The following FLI1 variants were observed in gnomAD, a reference collection of about 807,000 sequenced individuals.
The protein encoded by FLI1 is Fli-1 proto-oncogene, ETS transcription factor.
A neutral mutation model predicts 53.1 loss-of-function variants in FLI1; 13 were observed. The ratio of observed to expected loss-of-function variants is 0.24; its 90% CI spans 0.16 to 0.39. The LOEUF (loss-of-function observed/expected upper bound fraction) is 0.39. Among genes scored for constraint, FLI1 ranks in the 10% least tolerant of loss-of-function variants. FLI1 has a pLI of 1.00. For synonymous variants in FLI1, 244 were observed against 236.7 expected, an observed-to-expected ratio of 1.03 and a Z score of -0.28; for missense variants, 424 against 600.5, an observed-to-expected ratio of 0.71 and a Z score of 3.07.
chr11:128,706,125 C>A (rs1376343832), intron 1 of FLI1, among the ~76,000 whole-genome samples: 23 of 152,188 alleles, frequency 1.5e-4, no homozygotes, highest in Non-Finnish European at 1.5e-5. Flanking sequence ...CTTTTGTTAC[C>A]TGAGCTCAAC....
intron 5 of FLI1, among the ~76,000 whole-genome samples, chr11:128,789,652 G>A (rs921076427): frequency 2.6e-5 from 4 of 152,206 alleles, no homozygotes; most frequent in African/African-American, 9.7e-5. Context: ...ATGCGCTCCC[G>A]GGTGCAGTAC....
intron 1 of FLI1, among the ~76,000 whole-genome samples, chr11:128,721,321 G>A (rs1939241421): frequency 6.6e-6 from 1 of 152,186 alleles, no homozygotes; most frequent in South Asian, 2.1e-4. Context: ...AGAATATAGG[G>A]ATGGAAGAAT....
At chr11:128,737,393 C>T (rs1353400751) in intron 1 of FLI1, among the ~76,000 whole-genome samples, 2 of 152,170 alleles carry the variant, frequency 1.3e-5, no homozygotes, top group Non-Finnish European at 2.9e-5. Context: ...CCCATCACAG[C>T]CCCCACCACA....
intron 1 of FLI1, among the ~76,000 whole-genome samples, chr11:128,743,204 A>G (rs1012340230): frequency 6.6e-6 from 1 of 152,154 alleles, no homozygotes; most frequent in African/African-American, 2.4e-5. Flanking sequence ...CCTAGGCAAC[A>G]TAGTAAGACC....
intron 1 of FLI1, among the ~76,000 whole-genome samples, chr11:128,707,270 T>C (rs187556881): frequency 1.5e-4 from 23 of 152,316 alleles, no homozygotes; most frequent in Admixed American, 1.4e-3. Flanking sequence ...CCCGCCCTGA[T>C]AACACTGCCT....
intron 2 of FLI1, among the ~76,000 whole-genome samples, chr11:128,765,503 G>A (rs1941302275): frequency 6.6e-6 from 1 of 152,226 alleles, no homozygotes; most frequent in African/African-American, 2.4e-5. Context: ...AGCCCGGGGA[G>A]TGTGCCCTCC....
chr11:128,760,276 G>A (rs694129), intron 2 of FLI1, among the ~76,000 whole-genome samples: 21 of 152,084 alleles, frequency 1.4e-4, no homozygotes, highest in African/African-American at 5.1e-4. Context: ...ACAGTGCTTT[G>A]TCTAAGGATT....
chr11:128,712,090 G>A (rs1444848986), intron 1 of FLI1, among the ~76,000 whole-genome samples: 1 of 152,128 alleles, frequency 6.6e-6, no homozygotes, highest in Non-Finnish European at 1.5e-5. Context: ...GGGCCTGGTG[G>A]GAGGTGATTA....
intron 5 of FLI1, among the ~76,000 whole-genome samples, chr11:128,791,659 T>C (rs1217554869): frequency 3.3e-5 from 5 of 152,210 alleles, no homozygotes; most frequent in African/African-American, 9.6e-5. Flanking sequence ...ATGTTTTGGC[T>C]CTATCCACTG....
rs1351934698 is a variant in FLI1 at position 128,782,004 on chromosome 11, A to G, written c.636A>G (p.Ser212=). Residue 212 remains serine, a synonymous_variant, in exon 5 of 9, where the codon TCA becomes TCG. Coordinates refer to ENST00000527786, the MANE Select transcript of FLI1 (RefSeq NM_002017.5). ...YNTTSHTDQS[S]RLSVKEDPSY... is the part of the protein sequence containing the mutation. ...CAACCTCCCACACCGACCAATCCTC[A>G]CGATTGAGTGTCAAAGAAGGTAAGT... The G allele has an allele frequency of 6.2e-6, 10 of 1,613,568 alleles. No homozygotes were observed. In the Admixed American group the frequency reaches 1.7e-4, roughly 27 times the overall value.
chr11:128,688,035 A>T (rs1320024516), intron 1 of FLI1, among the ~76,000 whole-genome samples: 1 of 152,162 alleles, frequency 6.6e-6, no homozygotes, highest in Non-Finnish European at 1.5e-5. Flanking sequence ...TAGGAAGAGT[A>T]CTCGGGTACT....
Position 128,688,434 on chromosome 11 carries a change from A to C in FLI1, c.-203+1733A>C, listed in dbSNP as rs552680165. Among the ~76,000 whole-genome samples, 10 of 152,316 alleles carry C rather than the reference A, an allele frequency of 6.6e-5. No homozygotes were observed. The South Asian group carries it at 1.9e-3, about 28-fold the overall frequency. ...GGCGAAAGGTCTGCGTGGCAGGGAC[A>C]ATCTTGAGTCTGTTCCACCGGCTCC... On this transcript the variant is annotated intron_variant, in intron 1 of 6. Coordinates refer to the FLI1 transcript ENST00000344954.
chr11:128,805,027 T>A (rs534135499), intron 5 of FLI1: 31 of 222,734 alleles, frequency 1.4e-4, no homozygotes, highest in African/African-American at 6.3e-4. Flanking sequence ...AAAACATAAA[T>A]TTTTATTTCC....
At position 128,812,462 on chromosome 11, in the gene FLI1, G is replaced by C; in HGVS notation, c.*1474G>C. 1 of 225,422 alleles carries C rather than the reference G, an allele frequency of 4.4e-6. No homozygotes were observed. The highest frequency in any genetic ancestry group is 8.8e-6 in the Non-Finnish European group (1 of 113,128). 14.0% of individuals were successfully genotyped at this position (225,422 alleles called of 1,614,324 possible). On this transcript the variant is annotated 3_prime_UTR_variant, in exon 9 of 9. Transcript: ENST00000527786. ...ATTTACCGCCCCCGTTAGGTCAAAGGGTTTTCCCTGGGGAACTTTCCTATT... is the reference window on the plus strand; with the variant it reads ...ATTTACCGCCCCCGTTAGGTCAAAGCGTTTTCCCTGGGGAACTTTCCTATT...
At position 128,758,196 on chromosome 11, in the gene FLI1, A is replaced by G; in HGVS notation, c.100A>G (p.Met34Val). The G allele has an allele frequency of 6.2e-7, 1 of 1,613,482 alleles. No individual in the cohort carries two copies. Among genetic ancestry groups the G allele is most frequent in the Non-Finnish European group, 8.5e-7 (1 of 1,179,704 alleles). Residue 34 changes from methionine (M) to valine (V), a missense_variant, in exon 2 of 9, where the codon ATG becomes GTG. By Grantham distance (21) the Met-to-Val change is conservative. Coordinates refer to ENST00000527786, the MANE Select transcript of FLI1 (RefSeq NM_002017.5). ...GGCAGCCCATCTCCCCAAGGCCGAC[A>G]TGACTGCCTCGGGGAGTCCTGACTA... ...GAAAHLPKAD[M>V]TASGSPDYGQ...
intron 1 of FLI1, among the ~76,000 whole-genome samples, chr11:128,719,846 C>T (rs1439117205): frequency 6.6e-6 from 1 of 152,198 alleles, no homozygotes; most frequent in Non-Finnish European, 1.5e-5. Context: ...GGAAAACCCA[C>T]CCAAGGCTGC....
intron 2 of FLI1, chr11:128,764,862 G>C: frequency 2.5e-6 from 4 of 1,578,910 alleles, no homozygotes; most frequent in Non-Finnish European, 3.4e-6. Context: ...AGTGGGAGGA[G>C]GGCCAGCTGG....
At chr11:128,778,167 C>G (rs1462525528) in intron 4 of FLI1, among the ~76,000 whole-genome samples, 1 of 152,160 alleles carries the variant, frequency 6.6e-6, no homozygotes, top group African/African-American at 2.4e-5. Flanking sequence ...CATACAAACA[C>G]ATATACAGAA....
intron 5 of FLI1, among the ~76,000 whole-genome samples, chr11:128,800,991 C>T (rs1942620757): frequency 6.6e-6 from 1 of 152,174 alleles, no homozygotes; most frequent in South Asian, 2.1e-4. Context: ...TTTGTCAGAA[C>T]CAGGGTGTGA....
Sources: allele counts gnomAD v4.1 joint callset (sites outside exome capture counted in the v4.1 genomes callset), GRCh38; gene constraint gnomAD v4.1.1; transcripts MANE v1.5; gene names NCBI Gene and HGNC (gene_info 2026-07-23, HGNC 2026-07-21).